The following SDC2 variants were observed in gnomAD, a reference collection of about 807,000 sequenced individuals.
The protein encoded by SDC2 is syndecan-2.
A neutral mutation model predicts 22.2 loss-of-function variants in SDC2; 13 were observed. The observed-to-expected ratio is 0.59, with a 90% CI of 0.38 to 0.93. The LOEUF is 0.93. Among genes scored for constraint, SDC2 ranks in the 40% least tolerant of loss-of-function variants. SDC2 has a pLI of 0.00. For synonymous variants in SDC2, 94 were observed against 92.8 expected, an observed-to-expected ratio of 1.01 and a Z score of -0.07; for missense variants, 235 against 246.8, an observed-to-expected ratio of 0.95 and a Z score of 0.32.
intron 1 of SDC2, among the ~76,000 whole-genome samples, chr8:96,521,140 A>G (rs1186671626): frequency 6.6e-6 from 1 of 152,106 alleles, no homozygotes; most frequent in East Asian, 1.9e-4. Context: ...CACATCCCTA[A>G]TGGGATGATT....
chr8:96,588,202 G>C (rs190731839), intron 1 of SDC2, among the ~76,000 whole-genome samples: 3 of 152,154 alleles, frequency 2.0e-5, no homozygotes, highest in Non-Finnish European at 4.4e-5. Context: ...GGACTTTTGA[G>C]CTACTTTGCT....
intron 1 of SDC2, among the ~76,000 whole-genome samples, chr8:96,561,070 C>G (rs1443830322): frequency 6.6e-6 from 1 of 152,162 alleles, no homozygotes; most frequent in East Asian, 1.9e-4. Flanking sequence ...CACCACTGCA[C>G]TCCAGCCTGG....
chr8:96,583,105 T>C (rs1179190244), intron 1 of SDC2, among the ~76,000 whole-genome samples: 1 of 149,594 alleles, frequency 6.7e-6, no homozygotes, highest in Non-Finnish European at 1.5e-5. Context: ...TTCCATAATA[T>C]TTGCTTCTTT....
intron 1 of SDC2, among the ~76,000 whole-genome samples, chr8:96,576,377 T>G (rs1246847491): frequency 1.5e-5 from 1 of 65,788 alleles, no homozygotes; most frequent in Non-Finnish European, 3.2e-5. Context: ...TGTTTTTGTT[T>G]TGTTTTGTTT....
rs762887653 is a variant in SDC2 at position 96,593,501 on chromosome 8, A to G, written c.82A>G (p.Lys28Glu). The G allele has an allele frequency of 6.8e-6, 11 of 1,613,286 alleles. No individual in the cohort carries two copies. Among genetic ancestry groups the G allele is most frequent in the Non-Finnish European group, 9.3e-6 (11 of 1,179,346 alleles). ...TCAGAGAGCAGAGCTGACATCTGAT[A>G]AAGACATGTACCTTGACAACAGCTC... ...AESRAELTSD[K>E]DMYLDNSSIE... The change falls in exon 2 of 5, where the codon AAA becomes GAA. Residue 28 changes from lysine to glutamate, a missense_variant. Lys to Glu is a moderately conservative substitution (Grantham distance 56, BLOSUM62 1). Transcript: ENST00000302190.
In SDC2 at chr8:96,514,603, C is replaced by T. The variant is rs1304520669; in HGVS notation, c.60+20272C>T. ...TACAGAAGGACTCTAGGTCCATGGT[C>T]CCCAACCTTTCTGGCACCAGGGACT... is the stretch of plus-strand genomic sequence containing the variant. On this transcript the variant is annotated intron_variant, in intron 1 of 4. Coordinates refer to ENST00000302190, the MANE Select transcript of SDC2 (RefSeq NM_002998.4). Among the ~76,000 whole-genome samples the T allele has an allele frequency of 3.3e-5, 5 of 152,098 alleles. No homozygotes were observed. The East Asian group carries it at 9.7e-4, about 29-fold the overall frequency.
chr8:96,497,159 C>T (rs1813089602), intron 1 of SDC2, among the ~76,000 whole-genome samples: 1 of 150,988 alleles, frequency 6.6e-6, no homozygotes, highest in African/African-American at 2.4e-5. Context: ...TCATTTGGGC[C>T]CATGCATTAT....
chr8:96,541,273 T>C (rs2651450), intron 1 of SDC2, among the ~76,000 whole-genome samples: 111,359 of 151,570 alleles, frequency 0.73, 42,801 homozygotes, highest in Non-Finnish European at 0.87. Flanking sequence ...TACCTAAATA[T>C]GAAAATTAGC....
chr8:96,532,338 A>G (rs1461533719), intron 1 of SDC2, among the ~76,000 whole-genome samples: 1 of 150,020 alleles, frequency 6.7e-6, no homozygotes, highest in Non-Finnish European at 1.5e-5. Flanking sequence ...GTCGCTGCCT[A>G]ACTGAGTTCT....
chr8:96,505,450 C>T (rs1813224829), intron 1 of SDC2, among the ~76,000 whole-genome samples: 1 of 152,028 alleles, frequency 6.6e-6, no homozygotes, highest in Admixed American at 6.6e-5. Context: ...ACTACAGGTG[C>T]ACCACCACAC....
At chr8:96,508,418 A>G (rs1428310701) in intron 1 of SDC2, among the ~76,000 whole-genome samples, 1 of 149,442 alleles carries the variant, frequency 6.7e-6, no homozygotes, top group African/African-American at 2.5e-5. Context: ...GCTTTAACAC[A>G]GGAGGCGGAG....
intron 1 of SDC2, among the ~76,000 whole-genome samples, chr8:96,562,636 C>T (rs938397257): frequency 6.6e-6 from 1 of 152,208 alleles, no homozygotes; most frequent in Non-Finnish European, 1.5e-5. Flanking sequence ...GAGATAATTA[C>T]AGCAAAATTT....
intron 1 of SDC2, among the ~76,000 whole-genome samples, chr8:96,514,503 C>T (rs1289096415): frequency 6.6e-6 from 1 of 152,146 alleles, no homozygotes; most frequent in Admixed American, 6.5e-5. Flanking sequence ...CACCCATGAC[C>T]CATGTGTCAT....
At chr8:96,587,337 GATA>G (rs1814703676) in intron 1 of SDC2, among the ~76,000 whole-genome samples, 1 of 152,188 alleles carries the variant, frequency 6.6e-6, no homozygotes, top group African/African-American at 2.4e-5. Context: ...GTATATACAG[GATA>G]ATAAGGTAAG....
chr8:96,527,429 T>TTC (rs142774163), intron 1 of SDC2, among the ~76,000 whole-genome samples: 2,109 of 151,870 alleles, frequency 0.014, 46 homozygotes, highest in East Asian at 0.067. Flanking sequence ...ACTTGCACAG[T>TTC]TCTCTCTCTC....
At chr8:96,563,340 T>C (rs1172228770) in intron 1 of SDC2, among the ~76,000 whole-genome samples, 1 of 152,202 alleles carries the variant, frequency 6.6e-6, no homozygotes, top group Non-Finnish European at 1.5e-5. Context: ...TAGCACTCAG[T>C]GTCTTGAATT....
chr8:96,498,860 T>A (rs906574646), intron 1 of SDC2, among the ~76,000 whole-genome samples: 1 of 152,202 alleles, frequency 6.6e-6, no homozygotes, highest in Non-Finnish European at 1.5e-5. Context: ...CCCTCTTTTT[T>A]TCTTCCTTGG....
intron 1 of SDC2, among the ~76,000 whole-genome samples, chr8:96,507,243 TG>T (rs1813256070): frequency 6.6e-6 from 1 of 152,254 alleles, no homozygotes; most frequent in South Asian, 2.1e-4. Context: ...GTTTTATTAG[TG>T]TATTTTCTTA....
intron 1 of SDC2, among the ~76,000 whole-genome samples, chr8:96,568,528 G>C (rs991050201): frequency 6.6e-6 from 1 of 152,206 alleles, no homozygotes; most frequent in Non-Finnish European, 1.5e-5. Flanking sequence ...CCAAAAACTT[G>C]CCTAAGTGAA....
Sources: gnomAD v4.1 joint callset for allele counts (sites outside exome capture counted in the v4.1 genomes callset) on GRCh38, gnomAD v4.1.1 for gene constraint, MANE v1.5 for transcripts, NCBI Gene and HGNC (gene_info 2026-07-23, HGNC 2026-07-21) for gene names.